The following DLGAP2 variants were observed in gnomAD, a reference collection of about 807,000 sequenced individuals.
DLGAP2 encodes DLG associated protein 2.
Under a neutral mutation model 100.3 loss-of-function variants are expected in DLGAP2, and 26 were observed. The observed-to-expected ratio is 0.26, with a 90% CI of 0.19 to 0.36. The LOEUF (loss-of-function observed/expected upper bound fraction) is 0.36, where lower values mean the gene tolerates loss of function less well. Ranked by LOEUF, DLGAP2 falls within the 10% of genes least tolerant of loss-of-function variation. The pLI is 1.00. For synonymous variants in DLGAP2, 886 were observed against 630.1 expected, an observed-to-expected ratio of 1.41 and a Z score of -6.08; for missense variants, 1,858 against 1,453.2, an observed-to-expected ratio of 1.28 and a Z score of -4.53.
At chr8:1,106,731 A>G (rs1184311315) in intron 2 of DLGAP2, among the ~76,000 whole-genome samples, 1 of 151,398 alleles carries the variant, frequency 6.6e-6, no homozygotes, top group Non-Finnish European at 1.5e-5. Flanking sequence ...GAAGAGAGCC[A>G]TTCTAGGAGG....
chr8:1,431,265 C>G (rs374718618), intron 3 of DLGAP2, among the ~76,000 whole-genome samples: 12 of 152,110 alleles, frequency 7.9e-5, no homozygotes, highest in Admixed American at 2.0e-4. Context: ...TGTGTAAGTC[C>G]CGATTCAATG....
chr8:1,506,955 C>T (rs530158551), intron 4 of DLGAP2, among the ~76,000 whole-genome samples: 1 of 152,266 alleles, frequency 6.6e-6, no homozygotes, highest in Non-Finnish European at 1.5e-5. Context: ...TCTCCAAGTC[C>T]CCACCAGATT....
rs71528625 is a variant in DLGAP2, at chr8:960,237, C to CTTTTTTTTTTTTTTTTTTTTTTTTTTT, written c.73+52286_73+52287insTTTTTTTTTTTTTTTTTTTTTTTTTTT. On this transcript the variant is annotated intron_variant, in intron 2 of 14. Transcript: ENST00000637795. ...TTGGGCAATTATTCCTGAAGTATAT[C>CTTTTTTTTTTTTTTTTTTTTTTTTTTT]TTTTTTTTTTTTTTTCCCGAGACAC... Among the ~76,000 whole-genome samples the CTTTTTTTTTTTTTTTTTTTTTTTTTTT allele has an allele frequency of 6.5e-4, 29 of 44,648 alleles. 13 individuals are homozygous for CTTTTTTTTTTTTTTTTTTTTTTTTTTT. Among genetic ancestry groups the CTTTTTTTTTTTTTTTTTTTTTTTTTTT allele is most frequent in the East Asian group, 1.6e-3 (2 of 1,288 alleles). The allele number at this position is 44,648 out of a possible 152,430, so 29.3% of individuals were successfully genotyped here.
rs530442996 is a variant in DLGAP2, at chr8:1,345,893, G to A, written c.106+87010G>A. Among the ~76,000 whole-genome samples the A allele has an allele frequency of 2.0e-5, 3 of 152,298 alleles. No individual in the cohort carries two copies. The East Asian group carries it at 5.8e-4, about 29-fold the overall frequency. On this transcript the variant is annotated intron_variant, in intron 3 of 14. Coordinates refer to ENST00000637795, the MANE Select transcript of DLGAP2 (RefSeq NM_001346810.2). ...CTAGTGGTTGCCCTATAGGAAGGAA[G>A]CAAACTCGGGGACGTGAAGTGACTC...
chr8:1,557,872 C>A (rs1054256523), intron 5 of DLGAP2, among the ~76,000 whole-genome samples: 1 of 152,218 alleles, frequency 6.6e-6, no homozygotes. Flanking sequence ...CCTCTGTAAA[C>A]GTCCCATCTC....
intron 2 of DLGAP2, among the ~76,000 whole-genome samples, chr8:1,048,642 A>G (rs546802016): frequency 1.3e-5 from 2 of 152,026 alleles, no homozygotes; most frequent in African/African-American, 4.8e-5. Context: ...GCTGGGCTCA[A>G]ACCACATGCC....
At chr8:960,909 G>C (rs1225652166) in intron 2 of DLGAP2, among the ~76,000 whole-genome samples, 1 of 152,206 alleles carries the variant, frequency 6.6e-6, no homozygotes, top group Non-Finnish European at 1.5e-5. Flanking sequence ...ATTGTAAGTT[G>C]AACCATCATA....
At chr8:1,129,725 C>T (rs933694914) in intron 2 of DLGAP2, among the ~76,000 whole-genome samples, 4 of 152,116 alleles carry the variant, frequency 2.6e-5, no homozygotes, top group Admixed American at 6.6e-5. Context: ...CCACGTTGTA[C>T]CTTTTCACAT....
At chr8:1,588,042 G>A (rs547998488) in intron 6 of DLGAP2, among the ~76,000 whole-genome samples, 8 of 152,300 alleles carry the variant, frequency 5.3e-5, no homozygotes, top group South Asian at 2.1e-4. Flanking sequence ...TCCTAATAGA[G>A]TTCTGGTAGC....
Position 1,422,561 on chromosome 8 carries a change from T to TAA in DLGAP2, c.107-78790_107-78789dup, listed in dbSNP as rs372845289. The stretch of plus-strand genomic sequence containing the variant: ...GTTTGGAAAAGGCTTTCTTTGACAT[T>TAA]AAAAAAAAAAAAAAAAGGTGTGGGT... On this transcript the variant is annotated intron_variant, in intron 3 of 14. Transcript: ENST00000637795. Among the ~76,000 whole-genome samples the TAA allele has an allele frequency of 9.5e-3, 1,301 of 136,336 alleles. 8 individuals carry two copies. The highest frequency in any genetic ancestry group is 0.034 in the Middle Eastern group (9 of 268). The allele number at this position is 136,336 out of a possible 152,430, so 89.4% of individuals were successfully genotyped here. A position where few individuals can be genotyped will look rare whatever the true frequency, so the allele number is the denominator to read the frequency against.
At chr8:948,114 C>T (rs1368325778) in intron 2 of DLGAP2, among the ~76,000 whole-genome samples, 1 of 151,422 alleles carries the variant, frequency 6.6e-6, no homozygotes, top group Admixed American at 6.6e-5. Flanking sequence ...GTTCCACTGA[C>T]CCTGTGCCAG....
intron 8 of DLGAP2, among the ~76,000 whole-genome samples, chr8:1,650,191 C>A (rs969050544): frequency 6.6e-6 from 1 of 152,126 alleles, no homozygotes; most frequent in Non-Finnish European, 1.5e-5. Flanking sequence ...ATCAATTGAA[C>A]AAACTCACAA....
intron 1 of DLGAP2, among the ~76,000 whole-genome samples, chr8:836,165 C>A (rs1213590028): frequency 2.6e-5 from 4 of 152,200 alleles, no homozygotes; most frequent in Admixed American, 6.5e-5. Context: ...CCTGCAGTGT[C>A]AGGAAAAGCT....
chr8:1,376,964 C>A (rs1246871124), intron 3 of DLGAP2, among the ~76,000 whole-genome samples: 3 of 152,238 alleles, frequency 2.0e-5, no homozygotes, highest in Admixed American at 6.5e-5. Flanking sequence ...GATTTGTAAT[C>A]ACACCATGCA....
intron 3 of DLGAP2, among the ~76,000 whole-genome samples, chr8:1,453,189 C>T (rs1428121792): frequency 6.6e-6 from 1 of 151,980 alleles, no homozygotes; most frequent in East Asian, 1.9e-4. Context: ...GCCTACTGAG[C>T]CCAGGATGGA....
At chr8:1,005,487 C>A (rs1163878841) in intron 2 of DLGAP2, among the ~76,000 whole-genome samples, 1 of 149,602 alleles carries the variant, frequency 6.7e-6, no homozygotes, top group Non-Finnish European at 1.5e-5. Context: ...CAGCTCACTG[C>A]AGCCTCAACC....
chr8:868,306 G>A (rs1018976053), intron 1 of DLGAP2, among the ~76,000 whole-genome samples: 3 of 152,170 alleles, frequency 2.0e-5, no homozygotes, highest in African/African-American at 7.2e-5. Context: ...CGTTGTTAGT[G>A]TTGCTGTTGA....
intron 6 of DLGAP2, among the ~76,000 whole-genome samples, chr8:1,622,623 C>G (rs1018550721): frequency 2.0e-5 from 3 of 152,204 alleles, no homozygotes; most frequent in Non-Finnish European, 4.4e-5. Context: ...AGCTTTCCGT[C>G]TCGCCTGTTT....
At chr8:1,210,848 C>A (rs951407325) in intron 2 of DLGAP2, among the ~76,000 whole-genome samples, 2 of 152,112 alleles carry the variant, frequency 1.3e-5, no homozygotes, top group African/African-American at 4.8e-5. Flanking sequence ...AAGGTCACTC[C>A]CCTGTAGTTC....
Sources: gnomAD v4.1 joint callset for allele counts (sites outside exome capture counted in the v4.1 genomes callset) on GRCh38, gnomAD v4.1.1 for gene constraint, MANE v1.5 for transcripts, NCBI Gene and HGNC (gene_info 2026-07-23, HGNC 2026-07-21) for gene names.